GRID1: variants seen among roughly 807,000 people sequenced by gnomAD.
GRID1 encodes the protein glutamate ionotropic receptor delta type subunit 1, also known as glutamate receptor ionotropic, delta-1.
GRID1 carries 28 observed loss-of-function variants against 98.0 expected under a neutral mutation model. The observed-to-expected ratio is 0.29, with a 90% CI of 0.21 to 0.39. The LOEUF (loss-of-function observed/expected upper bound fraction) is 0.39, where lower values mean the gene tolerates loss of function less well. GRID1 is among the 10% of genes least tolerant of loss of function. GRID1 has a pLI of 1.00. For synonymous variants in GRID1, 553 were observed against 538.5 expected (o/e 1.03, Z -0.37); for missense variants, 1,111 against 1,340.5 (o/e 0.83, Z 2.67).
intron 8 of GRID1, among the ~76,000 whole-genome samples, chr10:85,775,024 G>C (rs1383266487): frequency 8.6e-5 from 13 of 151,942 alleles, no homozygotes; most frequent in East Asian, 3.9e-4. Flanking sequence ...GACACATGCA[G>C]ACGTATGTTT....
At chr10:85,785,189 G>A (rs77932435) in intron 8 of GRID1, among the ~76,000 whole-genome samples, 5,020 of 152,284 alleles carry the variant, frequency 0.033, 124 homozygotes, top group Middle Eastern at 0.048. Flanking sequence ...AAACTGGAAC[G>A]GGATGGAAAT....
chr10:85,767,025 G>C (rs937409660), intron 8 of GRID1, among the ~76,000 whole-genome samples: 3 of 152,022 alleles, frequency 2.0e-5, no homozygotes, highest in African/African-American at 7.3e-5. Context: ...CTTGTTTCCT[G>C]TAGTCAAATC....
At chr10:86,243,424 C>T (rs1031781414) in intron 2 of GRID1, among the ~76,000 whole-genome samples, 1 of 152,146 alleles carries the variant, frequency 6.6e-6, no homozygotes, top group African/African-American at 2.4e-5. Flanking sequence ...ATTGACATGG[C>T]CCAAAGCCAC....
chr10:86,115,778 C>A (rs1844567332), intron 4 of GRID1, among the ~76,000 whole-genome samples: 1 of 152,250 alleles, frequency 6.6e-6, no homozygotes, highest in African/African-American at 2.4e-5. Context: ...AAGGAGCCTG[C>A]TGGTCTATTA....
intron 13 of GRID1, among the ~76,000 whole-genome samples, chr10:85,635,493 A>C (rs1295184853): frequency 6.6e-6 from 1 of 152,212 alleles, no homozygotes; most frequent in African/African-American, 2.4e-5. Flanking sequence ...AGAAAGATGC[A>C]TATGAATGCT....
At chr10:86,224,958 G>T (rs80203546) in intron 2 of GRID1, among the ~76,000 whole-genome samples, 1 of 152,228 alleles carries the variant, frequency 6.6e-6, no homozygotes, top group Non-Finnish European at 1.5e-5. Flanking sequence ...TTTAGGAACC[G>T]TGTTGAGGCC....
At chr10:86,297,756 A>G (rs1367859930) in intron 2 of GRID1, among the ~76,000 whole-genome samples, 2 of 152,380 alleles carry the variant, frequency 1.3e-5, no homozygotes, top group Non-Finnish European at 2.9e-5. Flanking sequence ...GTTATAAAAA[A>G]CAAAACTCCC....
intron 2 of GRID1, among the ~76,000 whole-genome samples, chr10:86,310,978 C>G (rs891945463): frequency 2.0e-5 from 3 of 151,898 alleles, no homozygotes; most frequent in African/African-American, 7.3e-5. Context: ...GAAAGAGCCT[C>G]GTGGGTCAAG....
rs553034094 is a variant in GRID1 at position 86,005,132 on chromosome 10, G to A, written c.727-88893C>T. Among the ~76,000 whole-genome samples, 520 of 152,232 alleles carry A rather than the reference G, an allele frequency of 3.4e-3. 2 individuals carry two copies. The highest frequency in any genetic ancestry group is 0.012 in the African/African-American group (485 of 41,546). On this transcript the variant is annotated intron_variant, in intron 4 of 15. Coordinates refer to ENST00000327946, the MANE Select transcript of GRID1 (RefSeq NM_017551.3). The stretch of plus-strand genomic sequence containing the variant: ...CTCTGCTAGCAATCAAACACAAGTG[G>A]ACAGATGCCATGAATCCTGACAGCT...
chr10:86,107,355 G>A (rs906754919), intron 4 of GRID1, among the ~76,000 whole-genome samples: 6 of 152,216 alleles, frequency 3.9e-5, no homozygotes, highest in East Asian at 1.9e-4. Context: ...CATGAGGACC[G>A]TGATCTGAAG....
chr10:85,696,828 A>G (rs1052197340), intron 12 of GRID1, among the ~76,000 whole-genome samples: 3 of 152,040 alleles, frequency 2.0e-5, no homozygotes, highest in African/African-American at 7.2e-5. Flanking sequence ...TGTATTAGAT[A>G]AACATTTAGC....
chr10:85,679,537 C>T (rs2132594524), intron 12 of GRID1, among the ~76,000 whole-genome samples: 1 of 152,286 alleles, frequency 6.6e-6, no homozygotes, highest in South Asian at 2.1e-4. Flanking sequence ...TGAATTGACA[C>T]TTGCAGGACA....
intron 8 of GRID1, among the ~76,000 whole-genome samples, chr10:85,748,151 A>G (rs1404080530): frequency 2.0e-5 from 3 of 151,938 alleles, no homozygotes; most frequent in Admixed American, 6.6e-5. Context: ...GCCTCCAAAG[A>G]CCCTGGGCTC....
intron 8 of GRID1, among the ~76,000 whole-genome samples, chr10:85,853,448 C>T (rs910026531): frequency 5.9e-5 from 9 of 151,926 alleles, no homozygotes; most frequent in African/African-American, 2.2e-4. Context: ...GAAGTGTGTA[C>T]GTGTGTGTGT....
chr10:85,719,819 T>C (rs1841680013), intron 12 of GRID1, among the ~76,000 whole-genome samples: 3 of 152,060 alleles, frequency 2.0e-5, no homozygotes. Flanking sequence ...TGGAATGAAA[T>C]GTAAAATGTA....
At chr10:86,271,354 G>A (rs560878611) in intron 2 of GRID1, among the ~76,000 whole-genome samples, 5 of 152,190 alleles carry the variant, frequency 3.3e-5, no homozygotes, top group South Asian at 2.1e-4. Context: ...ATATTTCTAC[G>A]AATGCAAAAA....
At position 85,599,802 on chromosome 10, in the gene GRID1, A is replaced by AAAAAAAAAAAAAAATATATAT; in HGVS notation, c.*2470_*2471insATATATATTTTTTTTTTTTTT. On this transcript the variant is annotated 3_prime_UTR_variant, in exon 16 of 16. Transcript: ENST00000327946. ...GTAGAAAATTCTAAAAAAAAAAAAA[A>AAAAAAAAAAAAAAATATATAT]ATATATATATATATATATAAACATG... is the stretch of plus-strand genomic sequence containing the variant. The AAAAAAAAAAAAAAATATATAT allele has an allele frequency of 1.5e-5, 1 of 65,000 alleles. No individual in the cohort carries two copies. The highest frequency in any genetic ancestry group is 9.3e-5 in the African/African-American group (1 of 10,730). 4.0% of individuals were successfully genotyped at this position (65,000 alleles called of 1,614,324 possible).
At chr10:85,740,985 C>G (rs1473432638) in intron 8 of GRID1, among the ~76,000 whole-genome samples, 1 of 152,040 alleles carries the variant, frequency 6.6e-6, no homozygotes, top group African/African-American at 2.4e-5. Context: ...AACTCCTGAC[C>G]CCAGGTGATC....
intron 8 of GRID1, among the ~76,000 whole-genome samples, chr10:85,797,855 T>A (rs995533206): frequency 1.3e-5 from 2 of 152,196 alleles, no homozygotes; most frequent in African/African-American, 2.4e-5. Context: ...CTGTGTTAGT[T>A]CACTTAGCAT....
Sources: gnomAD v4.1 joint callset for allele counts (sites outside exome capture counted in the v4.1 genomes callset) on GRCh38, gnomAD v4.1.1 for gene constraint, MANE v1.5 for transcripts, NCBI Gene and HGNC (gene_info 2026-07-23, HGNC 2026-07-21) for gene names.